Variants in CADM2 observed in about 807,000 individuals in gnomAD.
CADM2 encodes the protein immunoglobulin superfamily member 4D.
A neutral mutation model predicts 49.8 loss-of-function variants in CADM2; 12 were observed. The observed-to-expected ratio is 0.24, with a 90% CI of 0.15 to 0.39. The LOEUF (loss-of-function observed/expected upper bound fraction) is 0.39, where lower values mean the gene tolerates loss of function less well. Ranked by LOEUF, CADM2 falls within the 10% of genes least tolerant of loss-of-function variation. The pLI is 1.00. For synonymous variants in CADM2, 214 were observed against 175.4 expected (o/e 1.22, Z -1.74); for missense variants, 378 against 492.3 (o/e 0.77, Z 2.20).
intron 1 of CADM2, among the ~76,000 whole-genome samples, chr3:85,167,568 TAGG>T (rs767731327): frequency 1.3e-5 from 2 of 152,116 alleles, no homozygotes; most frequent in Non-Finnish European, 2.9e-5. Flanking sequence ...CCTTATAAAC[TAGG>T]AGGTGTGAAG....
At chr3:84,981,346 G>C (rs1173409436) in intron 1 of CADM2, among the ~76,000 whole-genome samples, 2 of 151,994 alleles carry the variant, frequency 1.3e-5, no homozygotes, top group Non-Finnish European at 2.9e-5. Flanking sequence ...ATATACCATA[G>C]TCTTCCATTT....
chr3:85,757,051 T>A (rs1458738299), intron 2 of CADM2, among the ~76,000 whole-genome samples: 1 of 152,148 alleles, frequency 6.6e-6, no homozygotes, highest in Non-Finnish European at 1.5e-5. Context: ...TGAAAGTTGA[T>A]GAATATTGGC....
chr3:86,012,644 G>T, intron 8 of CADM2: 1 of 1,513,876 alleles, frequency 6.6e-7, no homozygotes. Flanking sequence ...GCGGGACCCG[G>T]CCAGATGCCA....
chr3:85,538,894 A>G (rs1199255565), intron 1 of CADM2, among the ~76,000 whole-genome samples: 2 of 125,598 alleles, frequency 1.6e-5, no homozygotes, highest in East Asian at 3.4e-4. Flanking sequence ...TGAATACATT[A>G]TATTGCAGAG....
chr3:85,107,499 G>T (rs1309716772), intron 1 of CADM2, among the ~76,000 whole-genome samples: 2 of 152,072 alleles, frequency 1.3e-5, no homozygotes, highest in East Asian at 3.9e-4. Context: ...GGTCCCTTAA[G>T]CATTGCTGAT....
intron 1 of CADM2, among the ~76,000 whole-genome samples, chr3:85,677,162 CTACAGTA>C (rs2065909460): frequency 6.6e-6 from 1 of 152,110 alleles, no homozygotes; most frequent in South Asian, 2.1e-4. Flanking sequence ...TCCCTTCTGT[CTACAGTA>C]TATATTTATA....
At chr3:85,897,646 CT>C (rs1715438489) in intron 5 of CADM2, among the ~76,000 whole-genome samples, 6 of 151,662 alleles carry the variant, frequency 4.0e-5, no homozygotes, top group South Asian at 4.2e-4. Flanking sequence ...GCTTGTTTTA[CT>C]TTTTTTTGGA....
intron 1 of CADM2, among the ~76,000 whole-genome samples, chr3:85,443,902 C>A (rs941150727): frequency 7.9e-5 from 12 of 152,060 alleles, no homozygotes; most frequent in African/African-American, 2.9e-4. Flanking sequence ...CTCAGGATCT[C>A]CTCATAGATG....
At chr3:85,098,262 A>T (rs1464295228) in intron 1 of CADM2, among the ~76,000 whole-genome samples, 1 of 152,100 alleles carries the variant, frequency 6.6e-6, no homozygotes, top group African/African-American at 2.4e-5. Flanking sequence ...CGTAGAAAAA[A>T]AAAAAAAAAG....
chr3:85,439,715 A>G (rs1297693094), intron 1 of CADM2, among the ~76,000 whole-genome samples: 1 of 151,960 alleles, frequency 6.6e-6, no homozygotes, highest in Admixed American at 6.6e-5. Context: ...ATTTCCATGG[A>G]CTGTCCCTAA....
intron 1 of CADM2, among the ~76,000 whole-genome samples, chr3:84,982,702 CATAT>C (rs71104999): frequency 0.017 from 1,306 of 76,316 alleles, 35 homozygotes; most frequent in African/African-American, 0.063. Context: ...AACTATAAAG[CATAT>C]ATATATATAT....
At chr3:85,959,228 A>G (rs550302638) in intron 7 of CADM2, among the ~76,000 whole-genome samples, 4 of 151,548 alleles carry the variant, frequency 2.6e-5, no homozygotes, top group African/African-American at 9.7e-5. Context: ...AGGGCAAGGT[A>G]TGCAGGAAGA....
chr3:85,245,681 TC>T (rs1190944639), intron 1 of CADM2, among the ~76,000 whole-genome samples: 3 of 152,246 alleles, frequency 2.0e-5, no homozygotes, highest in South Asian at 2.1e-4. Flanking sequence ...GTCAGTCACT[TC>T]TTACTTACTC....
chr3:85,434,630 T>C (rs748654670), intron 1 of CADM2, among the ~76,000 whole-genome samples: 45 of 152,134 alleles, frequency 3.0e-4, no homozygotes, highest in Non-Finnish European at 4.6e-4. Context: ...TGCAGTCTCT[T>C]TAGTCTGCTT....
At chr3:85,145,096 A>C (rs1336029916) in intron 1 of CADM2, among the ~76,000 whole-genome samples, 1 of 152,196 alleles carries the variant, frequency 6.6e-6, no homozygotes, top group African/African-American at 2.4e-5. Context: ...GTTCTATGCT[A>C]AGGAAAATTT....
intron 1 of CADM2, among the ~76,000 whole-genome samples, chr3:85,000,114 T>TTCTCTCTCTCTCTCTCTC (rs59094520): frequency 8.5e-4 from 116 of 136,896 alleles, no homozygotes; most frequent in Admixed American, 2.4e-3. Context: ...TGCTTCTACT[T>TTCTCTCTCTCTCTCTCTC]TCTCTCTCTC....
chr3:85,884,205 C>G (rs950884958), intron 4 of CADM2, among the ~76,000 whole-genome samples: 1 of 152,168 alleles, frequency 6.6e-6, no homozygotes, highest in Non-Finnish European at 1.5e-5. Context: ...TGAAACACAC[C>G]TGCGTGCTGA....
chr3:86,063,188 G>C (rs1738896682), intron 8 of CADM2, among the ~76,000 whole-genome samples: 1 of 152,054 alleles, frequency 6.6e-6, no homozygotes, highest in Non-Finnish European at 1.5e-5. Context: ...CAAAGCTCAA[G>C]ATCCGCAGAT....
chr3:85,777,477 A>G (rs186005632), intron 2 of CADM2, among the ~76,000 whole-genome samples: 77 of 151,892 alleles, frequency 5.1e-4, no homozygotes, highest in Middle Eastern at 6.8e-3. Context: ...CTGGTCTCCA[A>G]CTCCTAACTT....
Sources: allele counts gnomAD v4.1 joint callset (sites outside exome capture counted in the v4.1 genomes callset), GRCh38; gene constraint gnomAD v4.1.1; transcripts MANE v1.5; gene names NCBI Gene and HGNC (gene_info 2026-07-23, HGNC 2026-07-21).